The following DBN1 variants were observed in gnomAD, a reference collection of about 807,000 sequenced individuals.
The protein encoded by DBN1 is drebrin.
Under a neutral mutation model 83.5 loss-of-function variants are expected in DBN1, and 21 were observed. The ratio of observed to expected loss-of-function variants is 0.25; its 90% confidence interval spans 0.18 to 0.36. The LOEUF (loss-of-function observed/expected upper bound fraction) is 0.36, where lower values mean the gene tolerates loss of function less well. DBN1 is among the 10% of genes least tolerant of loss of function. DBN1 has a pLI of 1.00. For missense variants in DBN1, 874 were observed against 935.7 expected, an observed-to-expected ratio of 0.93 and a Z score of 0.86; for synonymous variants, 381 against 384.9, an observed-to-expected ratio of 0.99 and a Z score of 0.12.
In DBN1 at chr5:177,460,661, A is replaced by C; in HGVS notation, c.814T>G (p.Ser272Ala). Residue 272 changes from serine (S) to alanine (A), a missense_variant, in exon 9 of 15, where the codon TCA becomes GCA. Around this residue, in one of 4 missense-constraint regions of DBN1, gnomAD observed 725 missense variants for 719.7 expected, o/e 1.01. Coordinates refer to ENST00000393565, the MANE Select transcript of DBN1 (RefSeq NM_001363541.2). ...GCTCTCACCTCCACCTCCGACTCTGACTTCTTCATGTGGGTCTCTTCCTCC... is the reference window on the plus strand; with the variant it reads ...GCTCTCACCTCCACCTCCGACTCTGCCTTCTTCATGTGGGTCTCTTCCTCC... ...DEEEETHMKK[S>A]ESEVEEAAAI... is the part of the protein sequence containing the mutation. The C allele has an allele frequency of 6.2e-7, 1 of 1,614,016 alleles. No individual in the cohort carries two copies. The highest frequency in any genetic ancestry group is 8.5e-7 in the Non-Finnish European group (1 of 1,179,974).
chr5:177,464,655 TTATC>T (rs1757294864), intron 8 of DBN1, among the ~76,000 whole-genome samples: 2 of 146,144 alleles, frequency 1.4e-5, no homozygotes. Context: ...ATAATAAACT[TTATC>T]TGCTGGGTGC....
In DBN1 at chr5:177,467,470, C is replaced by T; in HGVS notation, c.477+11G>A. The T allele has an allele frequency of 6.2e-7, 1 of 1,603,748 alleles. No individual in the cohort carries two copies. ...GCAGGCAGAGCCCACGGGTGCCAAA[C>T]ACACACTAACCACGGGCTCTGCGTT... On this transcript the variant is annotated intron_variant, in intron 5 of 14. Coordinates refer to ENST00000393565, the MANE Select transcript of DBN1 (RefSeq NM_001363541.2). The surrounding 1 kb of genome is among the most constrained non-coding windows in gnomAD (Gnocchi z 9.1).
At chr5:177,468,737 G>T in intron 2 of DBN1, 107 bp downstream of exon 2, 1 of 650,256 alleles carries the variant, frequency 1.5e-6, no homozygotes, top group Non-Finnish European at 2.4e-6. Flanking sequence ...CAAGTGTGGG[G>T]CTGCAGGGTG....
At chr5:177,472,422 G>T in intron 1 of DBN1, 1 of 1,399,124 alleles carries the variant, frequency 7.1e-7, no homozygotes. Flanking sequence ...TTACGGGGGG[G>T]TTAAAGGATT....
chr5:177,470,131 A>G (rs1757739290), intron 1 of DBN1, among the ~76,000 whole-genome samples: 1 of 152,034 alleles, frequency 6.6e-6, no homozygotes, highest in African/African-American at 2.4e-5. Context: ...CCGGCTTCCT[A>G]CCTCCAGGAA....
Position 177,467,311 on chromosome 5 carries a change from C to T in DBN1, c.499G>A (p.Asp167Asn), listed in dbSNP as rs762580116. The part of the protein sequence containing the change: ...EPVGTTYQKT[D>N]AAVEMKRINR... The stretch of plus-strand genomic sequence containing the variant: ...ATCCGCTTCATTTCCACAGCTGCAT[C>T]CGTCTTCTGGTAGGTGGTGCCCTGC... The change falls in exon 6 of 15, where the codon GAT becomes AAT. Residue 167 changes from aspartate (D) to asparagine (N), a missense_variant. This residue lies in a region of DBN1 where 725 missense variants were observed against 719.7 expected (regional missense o/e 1.01). Coordinates refer to ENST00000393565, the MANE Select transcript of DBN1 (RefSeq NM_001363541.2). The surrounding 1 kb of genome is among the most constrained non-coding windows in gnomAD (Gnocchi z 9.1). The T allele has an allele frequency of 1.2e-6, 2 of 1,614,196 alleles. No individual in the cohort carries two copies. The highest frequency in any genetic ancestry group is 1.7e-5 in the Admixed American group (1 of 60,026).
At chr5:177,458,875 G>A (rs1756779845) in intron 12 of DBN1, among the ~76,000 whole-genome samples, 168 bp from the exon 13 acceptor site, 1 of 152,206 alleles carries the variant, frequency 6.6e-6, no homozygotes, top group African/African-American at 2.4e-5. Flanking sequence ...GCTCCGGGAG[G>A]AAGGCCAAGG....
In DBN1 at chr5:177,467,910, C is replaced by T; in HGVS notation, c.256-93G>A. 2.0e-6 allele frequency: 3 copies of T among 1,498,692 alleles called. No individual in the cohort carries two copies. The highest frequency in any genetic ancestry group is 1.7e-5 in the Admixed American group (1 of 58,736). The allele number at this position is 1,498,692 out of a possible 1,614,324, so 92.8% of individuals were successfully genotyped here. A position where few individuals can be genotyped will look rare whatever the true frequency, so the allele number is the denominator to read the frequency against. ...TTCCCCGGGGTGGGAAGAGGGTGGGCTTCCCTCTCCACGGGTGTCAGAGGG... is the reference window on the plus strand; with the variant it reads ...TTCCCCGGGGTGGGAAGAGGGTGGGTTTCCCTCTCCACGGGTGTCAGAGGG... On this transcript the variant is annotated intron_variant, in intron 3 of 14. Transcript: ENST00000393565. The surrounding 1 kb of genome is among the most constrained non-coding windows in gnomAD (Gnocchi z 9.1).
chr5:177,457,814 A>G, intron 13 of DBN1, 57 bp from the exon 14 acceptor site: 1 of 1,228,864 alleles, frequency 8.1e-7, no homozygotes, highest in Admixed American at 1.8e-5. Flanking sequence ...GGGCTGACCT[A>G]TCAGGCCTGA....
chr5:177,471,934 G>A (rs1431217261), intron 1 of DBN1, among the ~76,000 whole-genome samples: 2 of 152,044 alleles, frequency 1.3e-5, no homozygotes, highest in African/African-American at 2.4e-5. Flanking sequence ...GGGCAAAGGA[G>A]GTGTTCTGGG....
intron 1 of DBN1, among the ~76,000 whole-genome samples, chr5:177,471,965 G>C (rs1050879418): frequency 4.6e-5 from 7 of 152,086 alleles, no homozygotes; most frequent in Admixed American, 4.6e-4. Context: ...CTTCTCCCCA[G>C]GCGGGGCCTT....
chr5:177,472,929 C>CCCGCT, intron 1 of DBN1: 2 of 723,918 alleles, frequency 2.8e-6, no homozygotes, highest in South Asian at 1.2e-4. Context: ...CGGCCCCCAG[C>CCCGCT]CCGCTCCGCT....
At chr5:177,457,924 T>C in intron 13 of DBN1, 134 bp downstream of exon 13, 1 of 793,156 alleles carries the variant, frequency 1.3e-6, no homozygotes, top group Non-Finnish European at 1.8e-6. Flanking sequence ...GGAGGGAGGG[T>C]GGGATGGACT....
intron 11 of DBN1, 35 bp from the exon 12 acceptor site, chr5:177,459,303 G>A (rs370415928): frequency 7.5e-5 from 120 of 1,592,090 alleles, no homozygotes; most frequent in African/African-American, 9.4e-5. Context: ...CAGTGAGGGC[G>A]GGGGAGCCGG....
Position 177,457,360 on chromosome 5 carries a change from C to T in DBN1, c.*73G>A. ...GGCGGAGCTGCTGCGAATGCAGGCA[C>T]GGCGGGCCGTCTGGCCAGAGGCTGA... On this transcript the variant is annotated 3_prime_UTR_variant, in exon 15 of 15. Transcript: ENST00000393565. 1.5e-6 allele frequency: 2 copies of T among 1,335,884 alleles called. No homozygotes were observed. The highest frequency in any genetic ancestry group is 1.1e-6 in the Non-Finnish European group (1 of 929,148). The allele number at this position is 1,335,884 out of a possible 1,614,324, so 82.8% of individuals were successfully genotyped here. A position where few individuals can be genotyped will look rare whatever the true frequency, so the allele number is the denominator to read the frequency against.
Position 177,457,439 on chromosome 5 carries a change from A to G in DBN1, c.2082T>C (p.Gly694=), listed in dbSNP as rs1183749581. The G allele has an allele frequency of 6.2e-7, 1 of 1,613,780 alleles. No individual in the cohort carries two copies. The highest frequency in any genetic ancestry group is 1.3e-5 in the African/African-American group (1 of 74,902). The part of the protein sequence containing the change: ...VPEEEEGFEG[G]D ...CCTAGGGCTGGCGCCACCGCTAATC[A>G]CCACCCTCGAAGCCCTCCTCCTCTT... The change falls in exon 15 of 15, where the codon GGT becomes GGC. Residue 694 remains glycine (G), a synonymous_variant. Coordinates refer to ENST00000393565, the MANE Select transcript of DBN1 (RefSeq NM_001363541.2).
chr5:177,461,094 C>CTTTTT lies in DBN1; in HGVS notation c.772-396_772-392dup, dbSNP rs1212164434. Among the ~76,000 whole-genome samples the CTTTTT allele has an allele frequency of 4.9e-3, 440 of 90,674 alleles. 11 individuals carry two copies. The highest frequency in any genetic ancestry group is 6.5e-3 in the Non-Finnish European group (310 of 47,350). The allele number at this position is 90,674 out of a possible 152,430, so 59.5% of individuals were successfully genotyped here. Reference sequence around the variant, plus strand: ...CACCAGTGCCCGGCCTTCTGGCCTTCTTTTTTTTTTTTTTTTTTTTTTGAG... The same window carrying CTTTTT: ...CACCAGTGCCCGGCCTTCTGGCCTTCTTTTTTTTTTTTTTTTTTTTTTTTTTTGAG... On this transcript the variant is annotated intron_variant, in intron 8 of 14. Coordinates refer to ENST00000393565, the MANE Select transcript of DBN1 (RefSeq NM_001363541.2).
At chr5:177,460,744 A>C in intron 8 of DBN1, 41 bp from the exon 9 acceptor site, 1 of 1,601,322 alleles carries the variant, frequency 6.2e-7, no homozygotes, top group African/African-American at 1.3e-5. Flanking sequence ...CCTACCCCCC[A>C]CAGGGGCTTT....
Position 177,456,773 on chromosome 5 carries a change from GCCCCATCCATA to G in DBN1, c.*649_*659del, listed in dbSNP as rs1756524499. ...GGGGAGGGGCCACCAAAGCCCCTGGGCCCCATCCATAGCCCTGACCTGAACCGCGCCTAGGG... is the reference window on the plus strand; with the variant it reads ...GGGGAGGGGCCACCAAAGCCCCTGGGGCCCTGACCTGAACCGCGCCTAGGG... On this transcript the variant is annotated 3_prime_UTR_variant, in exon 15 of 15. Coordinates refer to ENST00000393565, the MANE Select transcript of DBN1 (RefSeq NM_001363541.2). 6.6e-6 allele frequency: 1 copy of G among 152,004 alleles called. No individual in the cohort carries two copies. The highest frequency in any genetic ancestry group is 2.0e-4 in the South Asian group (1 of 4,940). The allele number at this position is 152,004 out of a possible 1,614,324, so 9.4% of individuals were successfully genotyped here. A position where few individuals can be genotyped will look rare whatever the true frequency, so the allele number is the denominator to read the frequency against.
Sources: allele counts gnomAD v4.1 joint callset (sites outside exome capture counted in the v4.1 genomes callset), GRCh38; gene constraint gnomAD v4.1.1; regional missense constraint gnomAD v4.1.1; non-coding constraint Gnocchi (gnomAD v3.1); transcripts MANE v1.5; gene names NCBI Gene and HGNC (gene_info 2026-07-23, HGNC 2026-07-21).